Variants in TYW1B observed in about 807,000 individuals in gnomAD.
TYW1B encodes S-adenosyl-L-methionine-dependent tRNA 4-demethylwyosine synthase TYW1B.
In TYW1B, 73 loss-of-function variants were observed where a neutral mutation model predicts 86.9. The ratio of observed to expected loss-of-function variants is 0.84; its 90% CI spans 0.70 to 1.02. The LOEUF (loss-of-function observed/expected upper bound fraction) is 1.02, where lower values mean the gene tolerates loss of function less well. Ranked by LOEUF, TYW1B falls within the 50% of genes least tolerant of loss-of-function variation. The pLI, the probability that TYW1B is intolerant of heterozygous loss-of-function variation, is 0.00. For synonymous variants in TYW1B, 248 were observed against 292.8 expected (o/e 0.85, Z 1.56); for missense variants, 637 against 827.4 (o/e 0.77, Z 2.82).
chr7:72,703,026 A>ATATAT (rs1563064838), intron 10 of TYW1B, among the ~76,000 whole-genome samples: 2 of 35,208 alleles, frequency 5.7e-5, no homozygotes, highest in East Asian at 7.2e-4. Flanking sequence ...ATATATATAT[A>ATATAT]TTTTTTTTTT....
intron 10 of TYW1B, among the ~76,000 whole-genome samples, chr7:72,713,046 G>C (rs574362824): frequency 6.6e-6 from 1 of 151,660 alleles, no homozygotes; most frequent in East Asian, 1.9e-4. Flanking sequence ...CACCTGTAAT[G>C]CCAGCACTTT....
At chr7:72,603,016 T>C (rs1811704677) in intron 13 of TYW1B, among the ~76,000 whole-genome samples, 1 of 152,000 alleles carries the variant, frequency 6.6e-6, no homozygotes, top group Admixed American at 6.6e-5. Context: ...AAAAAATAAA[T>C]ATTCATGCAT....
intron 11 of TYW1B, among the ~76,000 whole-genome samples, chr7:72,643,766 G>C (rs1166492661): frequency 6.6e-6 from 1 of 152,044 alleles, no homozygotes; most frequent in Non-Finnish European, 1.5e-5. Context: ...AAGTCTTAAA[G>C]AAAACACAAC....
At chr7:72,690,052 G>A (rs1554450057) in intron 11 of TYW1B, among the ~76,000 whole-genome samples, 1 of 152,198 alleles carries the variant, frequency 6.6e-6, no homozygotes, top group African/African-American at 2.4e-5. Flanking sequence ...TCTGTAGAGA[G>A]AGGGCCAATG....
chr7:72,593,646 C>G (rs78280992), intron 13 of TYW1B, among the ~76,000 whole-genome samples: 1 of 151,576 alleles, frequency 6.6e-6, no homozygotes, highest in East Asian at 2.0e-4. Context: ...CACAGTGAAA[C>G]CCCGTCTTTA....
intron 12 of TYW1B, among the ~76,000 whole-genome samples, chr7:72,623,927 G>A (rs1482997376): frequency 8.6e-5 from 13 of 151,918 alleles, no homozygotes; most frequent in Admixed American, 2.6e-4. Context: ...TCAGCCTCCT[G>A]AGTAGCTGGG....
chr7:72,704,647 T>A (rs1432282820), intron 10 of TYW1B, among the ~76,000 whole-genome samples: 1 of 152,096 alleles, frequency 6.6e-6, no homozygotes, highest in Non-Finnish European at 1.5e-5. Context: ...AAGTATATTT[T>A]GACCAACATT....
At chr7:72,789,176 C>T (rs1290646736) in intron 6 of TYW1B, among the ~76,000 whole-genome samples, 2 of 151,376 alleles carry the variant, frequency 1.3e-5, no homozygotes, top group Non-Finnish European at 2.9e-5. Context: ...CTCTGTCACC[C>T]AGGCTGGAGT....
At chr7:72,719,631 CA>C (rs67560586) in intron 9 of TYW1B, among the ~76,000 whole-genome samples, 41 of 65,068 alleles carry the variant, frequency 6.3e-4, no homozygotes, top group East Asian at 2.4e-3. Flanking sequence ...ATTCCGTCTC[CA>C]AAAAAAAAAA....
intron 6 of TYW1B, among the ~76,000 whole-genome samples, chr7:72,788,764 C>T (rs1331220783): frequency 6.6e-6 from 1 of 152,048 alleles, no homozygotes; most frequent in Non-Finnish European, 1.5e-5. Flanking sequence ...AACTCCTGAC[C>T]TCAGGTGATC....
chr7:72,720,490 A>C (rs1379001587), intron 9 of TYW1B, among the ~76,000 whole-genome samples: 2 of 152,128 alleles, frequency 1.3e-5, no homozygotes, highest in African/African-American at 4.8e-5. Flanking sequence ...CAAGACAAAA[A>C]AAATTCTTGA....
chr7:72,714,897 A>G (rs1276155098), intron 9 of TYW1B, among the ~76,000 whole-genome samples: 1 of 152,242 alleles, frequency 6.6e-6, no homozygotes, highest in Admixed American at 6.5e-5. Context: ...AGCCTGGGCA[A>G]CAGAGTGAGA....
At chr7:72,672,473 A>AAACACACAC (rs1813630462) in intron 11 of TYW1B, among the ~76,000 whole-genome samples, 1 of 140,782 alleles carries the variant, frequency 7.1e-6, no homozygotes. Flanking sequence ...TACACACACA[A>AAACACACAC]ACACACACAC....
chr7:72,653,266 C>T (rs575610243), intron 11 of TYW1B, among the ~76,000 whole-genome samples: 1 of 152,150 alleles, frequency 6.6e-6, no homozygotes, highest in East Asian at 1.9e-4. Context: ...AACTTCTAGC[C>T]GGGCTAATCA....
intron 11 of TYW1B, among the ~76,000 whole-genome samples, chr7:72,669,537 G>A (rs1220401973): frequency 3.0e-4 from 45 of 152,042 alleles, no homozygotes; most frequent in African/African-American, 1.0e-3. Flanking sequence ...AGGCCTAGGT[G>A]GGCAGATCAT....
chr7:72,664,749 A>G (rs1813421056), intron 11 of TYW1B, among the ~76,000 whole-genome samples: 1 of 152,162 alleles, frequency 6.6e-6, no homozygotes, highest in Non-Finnish European at 1.5e-5. Flanking sequence ...TTTGAACTTA[A>G]GAGTTTAAAA....
chr7:72,690,622 C>T (rs1814124838), intron 11 of TYW1B, among the ~76,000 whole-genome samples: 1 of 152,190 alleles, frequency 6.6e-6, no homozygotes, highest in South Asian at 2.1e-4. Context: ...AAATGCCTTT[C>T]CTTGCTCAGG....
At chr7:72,787,636 T>C (rs1309660980) in intron 6 of TYW1B, among the ~76,000 whole-genome samples, 1 of 151,484 alleles carries the variant, frequency 6.6e-6, no homozygotes, top group Non-Finnish European at 1.5e-5. Flanking sequence ...CTGGTCGTGG[T>C]GGCGCGTACC....
intron 7 of TYW1B, among the ~76,000 whole-genome samples, chr7:72,763,294 T>G (rs1457814500): frequency 3.4e-5 from 5 of 146,252 alleles, no homozygotes; most frequent in Non-Finnish European, 7.6e-5. Context: ...TTTTTTTTTT[T>G]TTTTTGAGAT....
Sources: allele counts gnomAD v4.1 joint callset (sites outside exome capture counted in the v4.1 genomes callset), GRCh38; gene constraint gnomAD v4.1.1; transcripts MANE v1.5; gene names NCBI Gene and HGNC (gene_info 2026-07-23, HGNC 2026-07-21).